The following CD96 variants were observed in gnomAD, a reference collection of about 807,000 sequenced individuals.
The protein encoded by CD96 is T-cell surface protein tactile.
CD96 carries 70 observed loss-of-function variants against 71.3 expected under a neutral mutation model. The ratio of observed to expected loss-of-function variants is 0.98; its 90% CI spans 0.81 to 1.20. CD96 has a LOEUF of 1.20. Ranked by LOEUF, CD96 falls within the 50% of genes most tolerant of loss-of-function variation. The pLI is 0.00. For missense variants in CD96, 742 were observed against 677.5 expected (o/e 1.10, Z -1.06); for synonymous variants, 248 against 233.0 (o/e 1.06, Z -0.59).
intron 3 of CD96, among the ~76,000 whole-genome samples, chr3:111,572,049 G>C (rs1024522932): frequency 1.2e-4 from 19 of 152,184 alleles, no homozygotes; most frequent in African/African-American, 4.6e-4. Flanking sequence ...TCTTTGGGCT[G>C]ACCTATGCTC....
intron 8 of CD96, 169 bp downstream of exon 8, chr3:111,606,961 A>G: frequency 3.0e-6 from 2 of 674,522 alleles, no homozygotes; most frequent in Non-Finnish European, 5.4e-6. Context: ...ACGTCACATT[A>G]ACTTGCCCAT....
chr3:111,657,877 C>A (rs75397795), intron 14 of CD96, among the ~76,000 whole-genome samples: 1,776 of 152,312 alleles, frequency 0.012, 43 homozygotes, highest in African/African-American at 0.04. Context: ...CTGTCCTTCA[C>A]TGGTAATCTT....
downstream of CD96, among the ~76,000 whole-genome samples, chr3:111,655,495 G>A (rs1424548459): frequency 1.3e-5 from 2 of 152,118 alleles, no homozygotes; most frequent in African/African-American, 4.8e-5. Flanking sequence ...TGATTTCAGG[G>A]ACAACATATG....
At chr3:111,565,486 AT>A (rs1183426969) in intron 2 of CD96, among the ~76,000 whole-genome samples, 1 of 152,114 alleles carries the variant, frequency 6.6e-6, no homozygotes, top group Non-Finnish European at 1.5e-5. Context: ...TAACTAACAT[AT>A]TTGGATTGCA....
chr3:111,606,897 T>A, intron 8 of CD96, 105 bp downstream of exon 8: 1 of 769,634 alleles, frequency 1.3e-6, no homozygotes, highest in South Asian at 1.4e-5. Flanking sequence ...GCTATGACTT[T>A]TTTGGGGCTG....
At chr3:111,560,129 T>C (rs1935308438) in intron 2 of CD96, among the ~76,000 whole-genome samples, 1 of 151,438 alleles carries the variant, frequency 6.6e-6, no homozygotes, top group Non-Finnish European at 1.5e-5. Context: ...GTTTCCTGAA[T>C]ACAACACACT....
chr3:111,642,076 C>A (rs764255150), intron 12 of CD96, among the ~76,000 whole-genome samples: 2 of 152,174 alleles, frequency 1.3e-5, no homozygotes, highest in Non-Finnish European at 2.9e-5. Context: ...TCTAAGGTCA[C>A]ACCTCAAGGA....
At chr3:111,641,440 A>AC in intron 12 of CD96, among the ~76,000 whole-genome samples, 2 of 152,366 alleles carry the variant, frequency 1.3e-5, no homozygotes, top group Admixed American at 1.3e-4. Context: ...GTCTAACAGG[A>AC]AAATATCACA....
intron 8 of CD96, among the ~76,000 whole-genome samples, 178 bp from the exon 9 acceptor site, chr3:111,623,576 T>G (rs1249120471): frequency 1.3e-5 from 2 of 152,208 alleles, no homozygotes; most frequent in African/African-American, 2.4e-5. Context: ...TATTGGATAT[T>G]GATTATTTAA....
rs185503443 is a variant in CD96 at position 111,637,953 on chromosome 3, A to C, written c.1388-126A>C. The C allele has an allele frequency of 6.7e-4, 490 of 734,278 alleles. 3 individuals are homozygous for C. The highest frequency in any genetic ancestry group is 8.4e-4 in the Non-Finnish European group (334 of 399,646). 45.5% of individuals were successfully genotyped at this position (734,278 alleles called of 1,614,324 possible). ...TGGTTCTTAATAAACTTTACACATA[A>C]TATTTAAGGGATACTTAGACAATTT... On this transcript the variant is annotated intron_variant, in intron 11 of 13. Coordinates refer to ENST00000352690, the MANE Select transcript of CD96 (RefSeq NM_005816.5).
intron 5 of CD96, chr3:111,593,199 C>T (rs1338169631): frequency 1.6e-5 from 3 of 183,830 alleles, no homozygotes; most frequent in Non-Finnish European, 3.4e-5. Flanking sequence ...TCGTCAGCTC[C>T]ACCAAAACCG....
At chr3:111,662,595 A>G (rs1940384194) in intron 14 of CD96, among the ~76,000 whole-genome samples, 2 of 152,206 alleles carry the variant, frequency 1.3e-5, no homozygotes, top group Admixed American at 6.5e-5. Context: ...CTTCTCCCAG[A>G]TATTCTAAAT....
chr3:111,615,248 A>G (rs368909730), intron 8 of CD96, among the ~76,000 whole-genome samples: 28 of 152,270 alleles, frequency 1.8e-4, no homozygotes, highest in African/African-American at 6.5e-4. Flanking sequence ...GAGGATCCAC[A>G]GAAAGCTGTA....
At chr3:111,545,018 A>T (rs1162360071) in intron 1 of CD96, 28 bp from the exon 2 acceptor site, 4 of 1,569,926 alleles carry the variant, frequency 2.5e-6, no homozygotes, top group Middle Eastern at 1.9e-4. Context: ...AATTATTTAA[A>T]CTCATGGCTC....
At chr3:111,632,369 A>C (rs1374900233) in intron 10 of CD96, among the ~76,000 whole-genome samples, 1 of 152,186 alleles carries the variant, frequency 6.6e-6, no homozygotes, top group Non-Finnish European at 1.5e-5. Context: ...ATGAAAAAAA[A>C]GCTCAACATC....
chr3:111,633,653 C>T (rs1939182974), intron 10 of CD96: 1 of 152,340 alleles, frequency 6.6e-6, no homozygotes, highest in Admixed American at 6.5e-5. Context: ...TTGTGAATGT[C>T]ATCTTTGTCA....
intron 12 of CD96, among the ~76,000 whole-genome samples, chr3:111,640,147 T>C (rs1157395370): frequency 1.3e-5 from 2 of 152,084 alleles, no homozygotes; most frequent in Admixed American, 1.3e-4. Context: ...CTGATTTACC[T>C]GAGAAAGAAT....
intron 14 of CD96, among the ~76,000 whole-genome samples, chr3:111,661,015 A>G (rs1331441508): frequency 1.3e-5 from 2 of 152,212 alleles, no homozygotes; most frequent in Non-Finnish European, 2.9e-5. Context: ...TATGGAGAAA[A>G]GAGATTTAAT....
rs1935112969 is a variant in CD96 at position 111,557,259 on chromosome 3, T to G, written c.419-10264T>G. Among the ~76,000 whole-genome samples, 2 of 121,334 alleles carry G rather than the reference T, an allele frequency of 1.6e-5. 1 individual carries two copies. Among genetic ancestry groups the G allele is most frequent in the Non-Finnish European group, 3.3e-5 (2 of 60,586 alleles). 79.6% of individuals were successfully genotyped at this position (121,334 alleles called of 152,430 possible). On this transcript the variant is annotated intron_variant, in intron 2 of 13. Transcript: ENST00000352690. ...CTTTTGTTGCCATTGCTTTTGGTGT[T>G]TTAGACATGAAGTCCTTGCCCATGC...
Sources: allele counts gnomAD v4.1 joint callset (sites outside exome capture counted in the v4.1 genomes callset), GRCh38; gene constraint gnomAD v4.1.1; transcripts MANE v1.5; gene names NCBI Gene and HGNC (gene_info 2026-07-23, HGNC 2026-07-21).